The following CEP89 variants were observed in gnomAD, a reference collection of about 807,000 sequenced individuals.
CEP89 encodes centrosomal protein of 89 kDa.
A neutral mutation model predicts 97.6 loss-of-function variants in CEP89; 95 were observed. That is an observed-to-expected ratio of 0.97 (90% CI 0.82 to 1.15). The LOEUF (loss-of-function observed/expected upper bound fraction) is 1.15, where lower values mean the gene tolerates loss of function less well. Among genes scored for constraint, CEP89 ranks in the 50% most tolerant of loss-of-function variants. The pLI, the probability that CEP89 is intolerant of heterozygous loss-of-function variation, is 0.00. For missense variants in CEP89, 869 were observed against 947.7 expected (o/e 0.92, Z 1.09); for synonymous variants, 354 against 349.1 (o/e 1.01, Z -0.16).
intron 13 of CEP89, 49 bp downstream of exon 13, chr19:32,918,175 G>T (rs1410006301): frequency 2.1e-6 from 3 of 1,404,910 alleles, no homozygotes; most frequent in South Asian, 1.2e-5. Flanking sequence ...AGGGTAAAAT[G>T]ACAATAGTGA....
intron 12 of CEP89, among the ~76,000 whole-genome samples, chr19:32,923,139 G>C (rs3795058): frequency 0.41 from 61,783 of 151,888 alleles, 12,943 homozygotes; most frequent in East Asian, 0.74. Flanking sequence ...AAGAAGGGAC[G>C]AGACTCTCCA....
At chr19:32,924,892 T>G (rs1599745348) in intron 11 of CEP89, among the ~76,000 whole-genome samples, 1 of 152,206 alleles carries the variant, frequency 6.6e-6, no homozygotes, top group Non-Finnish European at 1.5e-5. Context: ...CTAAAGTGCT[T>G]ATTAACTGGC....
intron 9 of CEP89, among the ~76,000 whole-genome samples, chr19:32,930,999 C>T (rs1173389003): frequency 6.6e-6 from 1 of 152,132 alleles, no homozygotes; most frequent in Non-Finnish European, 1.5e-5. Flanking sequence ...GATCCTCTTG[C>T]CTCAGCCTCC....
At chr19:32,898,956 T>A (rs966552723) in intron 16 of CEP89, among the ~76,000 whole-genome samples, 1 of 151,744 alleles carries the variant, frequency 6.6e-6, no homozygotes, top group African/African-American at 2.4e-5. Context: ...TGTTACACAT[T>A]CTATGCACAT....
intron 14 of CEP89, among the ~76,000 whole-genome samples, chr19:32,915,006 G>A (rs1970091049): frequency 6.6e-6 from 1 of 151,932 alleles, no homozygotes. Context: ...GCGCAACAGA[G>A]TGAGAGTCCG....
chr19:32,927,903 C>CTTTTTTTTTTTTTTTTTTTTT (rs60706354), intron 9 of CEP89, among the ~76,000 whole-genome samples: 1 of 116,348 alleles, frequency 8.6e-6, no homozygotes, highest in Non-Finnish European at 1.7e-5. Flanking sequence ...GCACACTTGG[C>CTTTTTTTTTTTTTTTTTTTTT]TTTTTTTTTT....
At position 32,959,950 on chromosome 19, in the gene CEP89, T is replaced by C; in HGVS notation, c.255A>G (p.Glu85=). The change falls in exon 3 of 19, where the codon GAA becomes GAG. Residue 85 remains glutamate (E), a synonymous_variant. Transcript: ENST00000305768. ...SRSESDVSSV[E]QDSFIEPYAT... Reference sequence around the variant, plus strand: ...CATAGGGCTCGATGAAGCTGTCCTGTTCAACACTGCTCACATCACTCTCAG... The same window carrying C: ...CATAGGGCTCGATGAAGCTGTCCTGCTCAACACTGCTCACATCACTCTCAG... The C allele has an allele frequency of 6.2e-7, 1 of 1,614,164 alleles. No individual in the cohort carries two copies. The highest frequency in any genetic ancestry group is 8.5e-7 in the Non-Finnish European group (1 of 1,180,030).
intron 6 of CEP89, among the ~76,000 whole-genome samples, chr19:32,938,765 C>G (rs975716845): frequency 6.6e-6 from 1 of 152,066 alleles, no homozygotes; most frequent in African/African-American, 2.4e-5. Context: ...GACTGGCCAA[C>G]ATGGTGAAAT....
At chr19:32,944,773 G>A (rs2145946218) in intron 5 of CEP89, among the ~76,000 whole-genome samples, 2 of 152,324 alleles carry the variant, frequency 1.3e-5, no homozygotes, top group South Asian at 4.1e-4. Context: ...CAAGGGCCTT[G>A]CCCAAAGTGT....
At chr19:32,952,105 C>T (rs1041190094) in intron 4 of CEP89, among the ~76,000 whole-genome samples, 1 of 152,110 alleles carries the variant, frequency 6.6e-6, no homozygotes, top group African/African-American at 2.4e-5. Flanking sequence ...GTGTGAAAGT[C>T]TGTATATGTG....
intron 16 of CEP89, among the ~76,000 whole-genome samples, chr19:32,890,195 C>T (rs1206039787): frequency 1.3e-5 from 2 of 152,124 alleles, no homozygotes; most frequent in Admixed American, 1.3e-4. Flanking sequence ...GTCAGGAGAT[C>T]GAGACCATCC....
chr19:32,899,938 T>C lies in CEP89; in HGVS notation c.1794A>G (p.Glu598=). ...TTGCCAGGTACTGATGAGCAGACATTTCGTTCCCCATGGCTTTTTCCACCT... is the reference window on the plus strand; with the variant it reads ...TTGCCAGGTACTGATGAGCAGACATCTCGTTCCCCATGGCTTTTTCCACCT... ...KKQVEKAMGN[E]MSAHQYLANL... Residue 598 remains glutamate, a synonymous_variant, in exon 16 of 19, where the codon GAA becomes GAG. Transcript: ENST00000305768. The C allele has an allele frequency of 6.2e-7, 1 of 1,614,090 alleles. No individual in the cohort carries two copies. Among genetic ancestry groups the C allele is most frequent in the Non-Finnish European group, 8.5e-7 (1 of 1,179,972 alleles).
chr19:32,966,274 T>C (rs111450397), intron 2 of CEP89, 86 bp downstream of exon 2: 8 of 605,308 alleles, frequency 1.3e-5, no homozygotes, highest in Middle Eastern at 2.7e-4. Context: ...ACTTATACTT[T>C]TCTGGGCAGT....
At chr19:32,880,456 G>A (rs375253430) in intron 18 of CEP89, among the ~76,000 whole-genome samples, 2 of 151,942 alleles carry the variant, frequency 1.3e-5, no homozygotes, top group South Asian at 4.2e-4. Context: ...GGCAACATGT[G>A]AGACCTCATC....
chr19:32,958,833 A>C (rs924749001), intron 3 of CEP89, among the ~76,000 whole-genome samples: 2 of 151,984 alleles, frequency 1.3e-5, no homozygotes, highest in Non-Finnish European at 2.9e-5. Flanking sequence ...CCTGACCAAC[A>C]TGGAGAAACC....
chr19:32,950,872 A>G (rs1287102255), intron 4 of CEP89, among the ~76,000 whole-genome samples: 1 of 152,208 alleles, frequency 6.6e-6, no homozygotes, highest in Non-Finnish European at 1.5e-5. Context: ...GCTATACACA[A>G]TAACTGAAGA....
intron 14 of CEP89, among the ~76,000 whole-genome samples, chr19:32,907,831 C>A (rs1281143784): frequency 6.6e-6 from 1 of 152,218 alleles, no homozygotes; most frequent in African/African-American, 2.4e-5. Context: ...AACTGATCCA[C>A]CTGCCTCGGC....
chr19:32,918,359 T>C lies in CEP89; in HGVS notation c.1269-20A>G. 1 of 1,550,082 alleles carries C rather than the reference T, an allele frequency of 6.5e-7. No homozygotes were observed. The highest frequency in any genetic ancestry group is 8.9e-7 in the Non-Finnish European group (1 of 1,121,780). The stretch of plus-strand genomic sequence containing the variant: ...TGACGCCTGCAATTGATTTACAAGA[T>C]GAAATACTGTGATTCAGGTGCTGAA... On this transcript the variant is annotated intron_variant, in intron 12 of 18. Coordinates refer to ENST00000305768, the MANE Select transcript of CEP89 (RefSeq NM_032816.5).
intron 2 of CEP89, 86 bp from the exon 3 acceptor site, chr19:32,960,144 T>C (rs1431581760): frequency 8.5e-6 from 12 of 1,409,814 alleles, no homozygotes; most frequent in Non-Finnish European, 1.1e-5. Flanking sequence ...CATCAAGGCT[T>C]ACCTTCTGCT....
Sources: gnomAD v4.1 joint callset for allele counts (sites outside exome capture counted in the v4.1 genomes callset) on GRCh38, gnomAD v4.1.1 for gene constraint, MANE v1.5 for transcripts, NCBI Gene and HGNC (gene_info 2026-07-23, HGNC 2026-07-21) for gene names.